The following ZNF34 variants were observed in gnomAD, a reference collection of about 807,000 sequenced individuals.
ZNF34 encodes the protein zinc finger protein 34 (KOX 32).
A neutral mutation model predicts 14.4 loss-of-function variants in ZNF34; 8 were observed. That is an observed-to-expected ratio of 0.55 (90% CI 0.33 to 1.00). The LOEUF (loss-of-function observed/expected upper bound fraction) is 1.00. ZNF34 is among the 50% of genes least tolerant of loss of function. ZNF34 has a pLI of 0.03. For missense variants in ZNF34, 538 were observed against 674.2 expected (o/e 0.80, Z 2.24); for synonymous variants, 235 against 247.9 (o/e 0.95, Z 0.49).
In ZNF34 at chr8:144,778,143, C is replaced by T. The variant is rs1825645627; in HGVS notation, c.55G>A (p.Val19Met). 3 of 1,613,516 alleles carry T rather than the reference C, an allele frequency of 1.9e-6. No individual in the cohort carries two copies. The highest frequency in any genetic ancestry group is 1.7e-6 in the Non-Finnish European group (2 of 1,179,676). The change falls in exon 4 of 6, where the codon GTG becomes ATG. Residue 19 changes from valine (V) to methionine (M), a missense_variant. Val to Met is a conservative substitution (Grantham distance 21). Transcript: ENST00000429371. ...PPQAEVTFEDVAVYLSREEWG... is the reference protein window; with the variant it reads ...PPQAEVTFEDMAVYLSREEWG... ...TCCTCCCGGGAGAGGTACACAGCCA[C>T]GTCCTCGAAGGTCACCTCGGCCTGG...
At chr8:144,780,026 C>CAA (rs10710060) in intron 2 of ZNF34, among the ~76,000 whole-genome samples, 2,797 of 101,434 alleles carry the variant, frequency 0.028, 93 homozygotes, top group African/African-American at 0.086. Flanking sequence ...TTAATGCTAC[C>CAA]AAAAAAAAAA....
intron 1 of ZNF34, among the ~76,000 whole-genome samples, chr8:144,782,999 TA>T (rs149988063): frequency 1.3e-5 from 2 of 148,876 alleles, no homozygotes; most frequent in Non-Finnish European, 3.0e-5. Context: ...TTAAATAGAT[TA>T]AAAAAAAAGA....
chr8:144,776,762 T>C (rs1215477405), intron 5 of ZNF34, among the ~76,000 whole-genome samples: 1 of 150,980 alleles, frequency 6.6e-6, no homozygotes, highest in Non-Finnish European at 1.5e-5. Flanking sequence ...AATCAAAAAA[T>C]TAGTGTGAGT....
chr8:144,777,423 G>C lies in ZNF34; in HGVS notation c.280+35C>G, dbSNP rs578006980. 2.9e-5 allele frequency: 45 copies of C among 1,548,912 alleles called. No homozygotes were observed. The South Asian group carries it at 4.8e-4, about 16-fold the overall frequency. On this transcript the variant is annotated intron_variant, in intron 5 of 5. Coordinates refer to ENST00000429371, the MANE Select transcript of ZNF34 (RefSeq NM_001286769.2). The surrounding 1 kb of genome is among the most constrained non-coding windows in gnomAD (Gnocchi z 4.8). The stretch of plus-strand genomic sequence containing the variant: ...CTGGACCCCAATAAAGGCTCGTTCG[G>C]TGACTTGAGTTGGGGAGCAGATCCC...
Position 144,773,333 on chromosome 8 carries a change from GC to G in ZNF34, c.1552del (p.Ala518ProfsTer59). On this transcript the variant is annotated frameshift_variant, in exon 6 of 6. Coordinates refer to ENST00000429371, the MANE Select transcript of ZNF34 (RefSeq NM_001286769.2). LOFTEE classifies it low-confidence loss of function (END_TRUNC). The surrounding 1 kb of genome is among the most constrained non-coding windows in gnomAD (Gnocchi z 5.4). ...ACACATGTTGGAACTGTGCCGGAAG[GC>G]CTTCCCACACTCGCTGCACTTGTAG... ...KPYKCSECGKAFRHSSNMCQH... is the reference protein window; with the variant it reads ...KPYKCSECGKXFRHSSNMCQH... 1.2e-6 allele frequency: 2 copies of G among 1,614,170 alleles called. No homozygotes were observed. Among genetic ancestry groups the G allele is most frequent in the Non-Finnish European group, 1.7e-6 (2 of 1,180,002 alleles).
intron 1 of ZNF34, among the ~76,000 whole-genome samples, chr8:144,783,709 AAC>A (rs1826039359): frequency 6.6e-6 from 1 of 152,258 alleles, no homozygotes; most frequent in South Asian, 2.1e-4. Context: ...TCTATGGAGA[AAC>A]AGACAATGTT....
chr8:144,785,357 C>T (rs906156646), intron 1 of ZNF34: 1 of 152,186 alleles, frequency 6.6e-6, no homozygotes, highest in African/African-American at 2.4e-5. Flanking sequence ...TCACTTGAAT[C>T]TAGGAGTTCT....
chr8:144,787,168 C>T (rs1826297541), intron 1 of ZNF34, 111 bp downstream of exon 1: 1 of 152,310 alleles, frequency 6.6e-6, no homozygotes, highest in African/African-American at 2.4e-5. Context: ...CGGGACGGAC[C>T]CACGCCTGCA....
In ZNF34 at chr8:144,777,911, C is replaced by T; in HGVS notation, c.160+127G>A. Reference sequence around the variant, plus strand: ...TGCTCTTCCCCTCATCTTCTCAGATCAGGTGCCTGCCTGGGATAAAGGTCA... The same window carrying T: ...TGCTCTTCCCCTCATCTTCTCAGATTAGGTGCCTGCCTGGGATAAAGGTCA... On this transcript the variant is annotated intron_variant, in intron 4 of 5. Transcript: ENST00000429371. The surrounding 1 kb of genome is among the most constrained non-coding windows in gnomAD (Gnocchi z 4.8). The T allele has an allele frequency of 7.2e-7, 1 of 1,380,482 alleles. No individual in the cohort carries two copies. The highest frequency in any genetic ancestry group is 9.9e-7 in the Non-Finnish European group (1 of 1,007,102). 85.5% of individuals were successfully genotyped at this position (1,380,482 alleles called of 1,614,324 possible). A position where few individuals can be genotyped will look rare whatever the true frequency, so the allele number is the denominator to read the frequency against.
intron 1 of ZNF34, among the ~76,000 whole-genome samples, chr8:144,786,699 A>G (rs184995075): frequency 6.6e-6 from 1 of 152,156 alleles, no homozygotes; most frequent in East Asian, 1.9e-4. Context: ...AAAATAAAGA[A>G]GAGAAACAAA....
At chr8:144,780,731 G>T (rs1372583999) in intron 1 of ZNF34, among the ~76,000 whole-genome samples, 1 of 152,090 alleles carries the variant, frequency 6.6e-6, no homozygotes, top group East Asian at 1.9e-4. Flanking sequence ...GGAGGTTGTA[G>T]TGAGCCGAGA....
chr8:144,782,662 A>C (rs907863959), intron 1 of ZNF34, among the ~76,000 whole-genome samples: 2 of 149,728 alleles, frequency 1.3e-5, no homozygotes, highest in Non-Finnish European at 3.0e-5. Flanking sequence ...ACATGGCAAA[A>C]CCCCTCTCTA....
chr8:144,780,932 C>G (rs557604437), intron 1 of ZNF34, among the ~76,000 whole-genome samples: 1 of 150,780 alleles, frequency 6.6e-6, no homozygotes, highest in Non-Finnish European at 1.5e-5. Context: ...GTCAGGAGAT[C>G]GAGACCATCC....
At chr8:144,780,367 T>G in intron 1 of ZNF34, 87 bp from the exon 2 acceptor site, 1 of 998,804 alleles carries the variant, frequency 1.0e-6, no homozygotes, top group South Asian at 1.5e-5. Flanking sequence ...GCTATATATC[T>G]TTTCTGTATC....
In ZNF34 at chr8:144,773,206, T is replaced by C. The variant is rs1825266937; in HGVS notation, c.*60A>G. 3 of 1,516,510 alleles carry C rather than the reference T, an allele frequency of 2.0e-6. No homozygotes were observed. The highest frequency in any genetic ancestry group is 2.8e-5 in the African/African-American group (2 of 72,716). 93.9% of individuals were successfully genotyped at this position (1,516,510 alleles called of 1,614,324 possible). On this transcript the variant is annotated 3_prime_UTR_variant, in exon 6 of 6. Transcript: ENST00000429371. This position sits in a 1 kb window ranked among gnomAD's most constrained non-coding sequence, Gnocchi z 5.4. Reference sequence around the variant, plus strand: ...ATAATACATAAAGGGCAGAGTCAGGTGCCGGGGGCGCATGCAGGAAGTGCT... The same window carrying C: ...ATAATACATAAAGGGCAGAGTCAGGCGCCGGGGGCGCATGCAGGAAGTGCT...
At chr8:144,775,253 A>T (rs1269910984) in intron 5 of ZNF34, among the ~76,000 whole-genome samples, 1 of 152,196 alleles carries the variant, frequency 6.6e-6, no homozygotes. Flanking sequence ...CAAGATGTGC[A>T]GCAGACGGTG....
chr8:144,773,198 G>A lies in ZNF34; in HGVS notation c.*68C>T, dbSNP rs1000245254. 6.7e-6 allele frequency: 10 copies of A among 1,488,048 alleles called. 1 individual carries two copies. Among genetic ancestry groups the A allele is most frequent in the African/African-American group, 1.4e-5 (1 of 71,736 alleles). The allele number at this position is 1,488,048 out of a possible 1,614,324, so 92.2% of individuals were successfully genotyped here. Reference sequence around the variant, plus strand: ...TCGTGTGGATAATACATAAAGGGCAGAGTCAGGTGCCGGGGGCGCATGCAG... The same window carrying A: ...TCGTGTGGATAATACATAAAGGGCAAAGTCAGGTGCCGGGGGCGCATGCAG... On this transcript the variant is annotated 3_prime_UTR_variant, in exon 6 of 6. Coordinates refer to ENST00000429371, the MANE Select transcript of ZNF34 (RefSeq NM_001286769.2). This position sits in a 1 kb window ranked among gnomAD's most constrained non-coding sequence, Gnocchi z 5.4.
chr8:144,786,862 G>T (rs1008722748), intron 1 of ZNF34, among the ~76,000 whole-genome samples: 7 of 152,012 alleles, frequency 4.6e-5, no homozygotes, highest in Admixed American at 1.3e-4. Flanking sequence ...TGGGAGGACC[G>T]CGAGACGCAC....
In ZNF34 at chr8:144,781,875, T is replaced by C. The variant is rs964614279; in HGVS notation, c.-107-1595A>G. Reference sequence around the variant, plus strand: ...ATAGACTCATTTTAACAGGAAAGCCTGAAATAAATAAGTATTCAGCAAGAA... The same window carrying C: ...ATAGACTCATTTTAACAGGAAAGCCCGAAATAAATAAGTATTCAGCAAGAA... On this transcript the variant is annotated intron_variant, in intron 1 of 5. Coordinates refer to ENST00000429371, the MANE Select transcript of ZNF34 (RefSeq NM_001286769.2). Among the ~76,000 whole-genome samples, 6 of 152,208 alleles carry C rather than the reference T, an allele frequency of 3.9e-5. No individual in the cohort carries two copies. The East Asian group carries it at 9.6e-4, about 24-fold the overall frequency.
Sources: gnomAD v4.1 joint callset for allele counts (sites outside exome capture counted in the v4.1 genomes callset) on GRCh38, gnomAD v4.1.1 for gene constraint, Gnocchi (gnomAD v3.1) non-coding constraint, MANE v1.5 for transcripts, NCBI Gene and HGNC (gene_info 2026-07-23, HGNC 2026-07-21) for gene names.